The following TNK2 variants were observed in gnomAD, a reference collection of about 807,000 sequenced individuals.
The protein encoded by TNK2 is activated CDC42 kinase 1.
A neutral mutation model predicts 101.8 loss-of-function variants in TNK2; 83 were observed. That is an observed-to-expected ratio of 0.82 (90% confidence interval 0.68 to 0.98). The LOEUF is 0.98. TNK2 is among the 50% of genes least tolerant of loss of function. TNK2 has a pLI of 0.00. For missense variants in TNK2, 1,665 were observed against 1,483.2 expected, an observed-to-expected ratio of 1.12 and a Z score of -2.01; for synonymous variants, 804 against 633.0, an observed-to-expected ratio of 1.27 and a Z score of -4.06.
intron 10 of TNK2, 80 bp from the exon 11 acceptor site, chr3:195,870,285 C>T (rs761565244): frequency 1.9e-6 from 3 of 1,578,602 alleles, no homozygotes; most frequent in East Asian, 4.7e-5. Flanking sequence ...CCCCTTCGTC[C>T]TGGAGGAAAC....
intron 1 of TNK2, among the ~76,000 whole-genome samples, chr3:195,889,635 A>G (rs1028433829): frequency 6.6e-6 from 1 of 152,246 alleles, no homozygotes; most frequent in African/African-American, 2.4e-5. Context: ...GCACACGCAC[A>G]CACAGCGTGC....
At chr3:195,869,621 G>A (rs1200062703) in intron 11 of TNK2, 80 bp from the exon 12 acceptor site, 19 of 1,390,120 alleles carry the variant, frequency 1.4e-5, no homozygotes, top group South Asian at 1.1e-4. Context: ...CGGACGAGAG[G>A]GCAGAGTGTA....
At position 195,869,811 on chromosome 3, in the gene TNK2, G is replaced by C. The variant is rs1743718352; in HGVS notation, c.1544-270C>G. The stretch of plus-strand genomic sequence containing the variant: ...GGGGTGGTTTTGGCTTGGGACAGGA[G>C]AGCAGGATTAGGGGGAAGTGAGGAA... On this transcript the variant is annotated intron_variant, in intron 11 of 15. Coordinates refer to ENST00000672887, the MANE Select transcript of TNK2 (RefSeq NM_001382273.1). 3.2e-5 allele frequency: 19 copies of C among 589,350 alleles called. No individual in the cohort carries two copies. In the South Asian group the frequency reaches 3.8e-4, roughly 12 times the overall value. The allele number at this position is 589,350 out of a possible 1,614,324, so 36.5% of individuals were successfully genotyped here. A position where few individuals can be genotyped will look rare whatever the true frequency, so the allele number is the denominator to read the frequency against.
At position 195,868,357 on chromosome 3, in the gene TNK2, C is replaced by A. The variant is rs541695993; in HGVS notation, c.1941G>T (p.Pro647=). 3.9e-6 allele frequency: 6 copies of A among 1,529,032 alleles called. No individual in the cohort carries two copies. The highest frequency in any genetic ancestry group is 5.3e-6 in the Non-Finnish European group (6 of 1,137,962). The allele number at this position is 1,529,032 out of a possible 1,614,324, so 94.7% of individuals were successfully genotyped here. ...CCTGGGCCACGTCGTCATAGGCGGG[C>A]GGGGGGGGCAGCGGGCGTGCGTCCC... ...VDWDARPLPP[P]PAYDDVAQDE... The change falls in exon 13 of 16, where the codon CCG becomes CCT. Residue 647 remains proline, a synonymous_variant. Coordinates refer to ENST00000672887, the MANE Select transcript of TNK2 (RefSeq NM_001382273.1).
intron 1 of TNK2, among the ~76,000 whole-genome samples, chr3:195,893,643 C>G (rs1479169980): frequency 6.6e-6 from 1 of 152,064 alleles, no homozygotes; most frequent in Non-Finnish European, 1.5e-5. Context: ...CTTACACCCC[C>G]CTCGCTACGG....
At chr3:195,887,509 CTAAG>C (rs1303870362) in intron 2 of TNK2, among the ~76,000 whole-genome samples, 2 of 152,180 alleles carry the variant, frequency 1.3e-5, no homozygotes, top group African/African-American at 2.4e-5. Context: ...GCTATTTTAA[CTAAG>C]TCAGTGTCTA....
intron 10 of TNK2, among the ~76,000 whole-genome samples, chr3:195,870,636 G>A (rs774198013): frequency 3.9e-5 from 6 of 152,234 alleles, no homozygotes; most frequent in African/African-American, 7.2e-5. Flanking sequence ...CAGGAGGTGC[G>A]GGAGAGGCTG....
At chr3:195,887,862 G>A (rs1241927850) in intron 2 of TNK2, among the ~76,000 whole-genome samples, 1 of 149,310 alleles carries the variant, frequency 6.7e-6, no homozygotes, top group Non-Finnish European at 1.5e-5. Context: ...GTGTCTGTGT[G>A]CGCAGGCGTG....
intron 9 of TNK2, among the ~76,000 whole-genome samples, chr3:195,874,173 C>T (rs1172163004): frequency 1.3e-5 from 2 of 152,204 alleles, no homozygotes; most frequent in African/African-American, 2.4e-5. Context: ...GCTCTCCACA[C>T]CTCTTCAGAG....
intron 11 of TNK2, chr3:195,869,888 G>T: frequency 1.8e-6 from 1 of 557,638 alleles, no homozygotes; most frequent in Non-Finnish European, 3.2e-6. Context: ...CGCCGGGGCG[G>T]ACGGGCCTGC....
At chr3:195,875,655 GCC>G (rs71180982) in intron 9 of TNK2, among the ~76,000 whole-genome samples, 7 of 113,970 alleles carry the variant, frequency 6.1e-5, no homozygotes, top group Non-Finnish European at 8.3e-5. Flanking sequence ...CCCTGTCCGC[GCC>G]CTCTCTCTCC....
chr3:195,906,571 C>T (rs1314268123), intron 1 of TNK2, among the ~76,000 whole-genome samples: 1 of 151,778 alleles, frequency 6.6e-6, no homozygotes, highest in African/African-American at 2.4e-5. Flanking sequence ...CAGCCTGTTA[C>T]CTGGGGTAGG....
intron 1 of TNK2, among the ~76,000 whole-genome samples, chr3:195,899,821 GGT>G (rs202171030): frequency 0.012 from 1,858 of 152,178 alleles, 50 homozygotes; most frequent in African/African-American, 0.043. Context: ...AGGGGCCCTG[GGT>G]GTGTCTGCTG....
At position 195,864,078 on chromosome 3, in the gene TNK2, C is replaced by T; in HGVS notation, c.*103G>A. ...GCTCCATCCCCGGGAGCAGCAGGAG[C>T]AGCGGGTCCTCCAGGACTGGATGGG... On this transcript the variant is annotated 3_prime_UTR_variant, in exon 16 of 16. Coordinates refer to ENST00000672887, the MANE Select transcript of TNK2 (RefSeq NM_001382273.1). 1.1e-5 allele frequency: 17 copies of T among 1,507,900 alleles called. 1 individual carries two copies. The South Asian group carries it at 2.0e-4, about 17-fold the overall frequency. 93.4% of individuals were successfully genotyped at this position (1,507,900 alleles called of 1,614,324 possible). A position where few individuals can be genotyped will look rare whatever the true frequency, so the allele number is the denominator to read the frequency against.
intron 2 of TNK2, among the ~76,000 whole-genome samples, chr3:195,887,737 G>GCGTGTGTGTGCACACGCGTGTGCGCA (rs1756349519): frequency 6.6e-6 from 1 of 151,562 alleles, no homozygotes; most frequent in Non-Finnish European, 1.5e-5. Context: ...GTGTGTATGT[G>GCGTGTGTGTGCACACGCGTGTGCGCA]CGTGTGTGTG....
intron 9 of TNK2, among the ~76,000 whole-genome samples, chr3:195,873,465 GGCGGT>G (rs1746900786): frequency 6.6e-6 from 1 of 151,808 alleles, no homozygotes; most frequent in African/African-American, 2.4e-5. Flanking sequence ...GGCAGGCGGG[GGCGGT>G]GAGAGCCCCG....
chr3:195,899,013 G>A (rs575130818), intron 1 of TNK2, among the ~76,000 whole-genome samples: 5 of 152,156 alleles, frequency 3.3e-5, no homozygotes, highest in South Asian at 2.1e-4. Context: ...GGAGAATGGC[G>A]TGAACCCGGG....
At chr3:195,864,259 A>AC in intron 15 of TNK2, 72 bp from the exon 16 acceptor site, 3 of 1,578,814 alleles carry the variant, frequency 1.9e-6, no homozygotes, top group Non-Finnish European at 2.6e-6. Context: ...ACCGGGGGTC[A>AC]CACTGGTGCC....
chr3:195,901,141 C>T (rs1174506821), intron 1 of TNK2, among the ~76,000 whole-genome samples: 2 of 152,160 alleles, frequency 1.3e-5, no homozygotes, highest in African/African-American at 4.8e-5. Flanking sequence ...TCCGGTGCTT[C>T]AAGACATACA....
Sources: allele counts gnomAD v4.1 joint callset (sites outside exome capture counted in the v4.1 genomes callset), GRCh38; gene constraint gnomAD v4.1.1; transcripts MANE v1.5; gene names NCBI Gene and HGNC (gene_info 2026-07-23, HGNC 2026-07-21).